SKIC3: variants seen among roughly 807,000 people sequenced by gnomAD.
SKIC3 encodes SKI3 subunit of superkiller complex.
the SKIC3 span, chr5:95,522,340 G>C: frequency 6.2e-7 from 1 of 1,608,802 alleles, no homozygotes; most frequent in Non-Finnish European, 8.5e-7. Context: ...AGAACTAAAA[G>C]TATGGAACTA....
the SKIC3 span, among the ~76,000 whole-genome samples, chr5:95,487,305 A>G: frequency 6.6e-6 from 1 of 152,092 alleles, no homozygotes; most frequent in Non-Finnish European, 1.5e-5. Flanking sequence ...CTCCCCATAT[A>G]TATATCTCCT....
the SKIC3 span, chr5:95,494,830 T>C: frequency 5.0e-6 from 8 of 1,609,202 alleles, no homozygotes; most frequent in East Asian, 1.6e-4. Flanking sequence ...ATTTTCCTGA[T>C]AGCTCCCTCT....
the SKIC3 span, chr5:95,468,128 CA>C: frequency 9.0e-7 from 1 of 1,113,052 alleles, no homozygotes; most frequent in Non-Finnish European, 1.3e-6. Flanking sequence ...ATTCAGATAA[CA>C]ATAAAGGTAA....
At chr5:95,471,829 C>T in the SKIC3 span, among the ~76,000 whole-genome samples, 6 of 152,228 alleles carry the variant, frequency 3.9e-5, no homozygotes, top group African/African-American at 1.4e-4. Context: ...TTAGCAGAGA[C>T]TCCCAACTTC....
At chr5:95,469,694 A>G in the SKIC3 span, 5 of 1,586,682 alleles carry the variant, frequency 3.2e-6, no homozygotes, top group African/African-American at 4.0e-5. Flanking sequence ...TACAAACTTT[A>G]AAGTTTATAA....
chr5:95,479,356 A>G, the SKIC3 span, among the ~76,000 whole-genome samples: 22 of 152,268 alleles, frequency 1.4e-4, no homozygotes, highest in South Asian at 1.2e-3. Context: ...TGTGGACAGA[A>G]AATATTCAGT....
chr5:95,547,842 G>A, the SKIC3 span, among the ~76,000 whole-genome samples: 28 of 152,058 alleles, frequency 1.8e-4, no homozygotes, highest in African/African-American at 6.3e-4. Flanking sequence ...TTGTTTTAAT[G>A]CTAGTTTCTG....
chr5:95,469,457 C>T, the SKIC3 span, among the ~76,000 whole-genome samples: 1 of 152,196 alleles, frequency 6.6e-6, no homozygotes, highest in African/African-American at 2.4e-5. Flanking sequence ...CTAGAACCCA[C>T]ATCACACTGT....
chr5:95,529,280 T>C, the SKIC3 span: 9 of 673,894 alleles, frequency 1.3e-5, no homozygotes, highest in African/African-American at 1.2e-4. Context: ...TTTCTCCATC[T>C]CCACGTCAGT....
chr5:95,478,291 A>G, the SKIC3 span: 1 of 1,613,806 alleles, frequency 6.2e-7, no homozygotes, highest in South Asian at 1.1e-5. Context: ...TGATCTTACC[A>G]TACAGACTTT....
the SKIC3 span, chr5:95,482,598 T>A: frequency 1.2e-6 from 2 of 1,614,022 alleles, no homozygotes; most frequent in Non-Finnish European, 1.7e-6. Context: ...AAAAGTAAGA[T>A]AACGGCTGGC....
chr5:95,552,534 CTG>C, the SKIC3 span, among the ~76,000 whole-genome samples: 2 of 152,042 alleles, frequency 1.3e-5, no homozygotes, highest in African/African-American at 2.4e-5. Flanking sequence ...AAATGAGTGA[CTG>C]AGGGAAGTGT....
At chr5:95,546,819 T>C in the SKIC3 span, among the ~76,000 whole-genome samples, 1 of 152,156 alleles carries the variant, frequency 6.6e-6, no homozygotes, top group Admixed American at 6.5e-5. Flanking sequence ...CAAAAGATAT[T>C]TATGGGATAT....
At chr5:95,503,874 C>T in the SKIC3 span, 2 of 1,613,832 alleles carry the variant, frequency 1.2e-6, no homozygotes, top group Non-Finnish European at 1.7e-6. Flanking sequence ...CCTATGATGT[C>T]TTCTAACACT....
the SKIC3 span, chr5:95,550,560 T>C: frequency 1.4e-4 from 22 of 152,260 alleles, no homozygotes; most frequent in Non-Finnish European, 2.9e-4. Flanking sequence ...CAATTTATTA[T>C]TTAGCATTGT....
chr5:95,523,054 C>T, the SKIC3 span: 2 of 1,066,852 alleles, frequency 1.9e-6, no homozygotes, highest in African/African-American at 1.6e-5. Context: ...AATTCCACTG[C>T]CCTGCAAACA....
the SKIC3 span, chr5:95,516,983 G>A: frequency 1.3e-4 from 214 of 1,613,244 alleles, no homozygotes; most frequent in Non-Finnish European, 1.8e-4. Flanking sequence ...TAGATGTTGT[G>A]CTTGGCGATA....
chr5:95,526,489 G>A, the SKIC3 span, among the ~76,000 whole-genome samples: 23 of 149,688 alleles, frequency 1.5e-4, no homozygotes, highest in African/African-American at 5.1e-4. Context: ...TTGTTTTTTG[G>A]AGAGACAAGA....
chr5:95,528,743 C>T, the SKIC3 span: 2 of 453,180 alleles, frequency 4.4e-6, no homozygotes, highest in South Asian at 4.3e-5. Flanking sequence ...AGAGGACCTC[C>T]ACACCCAAGC....
Sources: allele counts gnomAD v4.1 joint callset (sites outside exome capture counted in the v4.1 genomes callset), GRCh38; gene constraint gnomAD v4.1.1; transcripts MANE v1.5; gene names NCBI Gene and HGNC (gene_info 2026-07-23, HGNC 2026-07-21).